Variants in SCHIP1 observed in about 807,000 individuals in gnomAD.
The protein encoded by SCHIP1 is schwannomin interacting protein 1.
In SCHIP1, 8 loss-of-function variants were observed where a neutral mutation model predicts 29.7. The observed-to-expected ratio is 0.27, with a 90% CI of 0.16 to 0.49. SCHIP1 has a LOEUF of 0.49. Ranked by LOEUF, SCHIP1 falls within the 20% of genes least tolerant of loss-of-function variation. The pLI is 0.99. For missense variants in SCHIP1, 193 were observed against 294.6 expected, an observed-to-expected ratio of 0.66 and a Z score of 2.52; for synonymous variants, 76 against 94.9, an observed-to-expected ratio of 0.80 and a Z score of 1.16.
chr3:159,410,298 GCTT>G, the SCHIP1 span, among the ~76,000 whole-genome samples: 1 of 152,044 alleles, frequency 6.6e-6, no homozygotes, highest in African/African-American at 2.4e-5. Context: ...AAGTTAAAAA[GCTT>G]CTGCACAGCA....
intron 1 of SCHIP1, among the ~76,000 whole-genome samples, chr3:159,847,848 A>C (rs1205274368): frequency 6.6e-6 from 1 of 152,246 alleles, no homozygotes; most frequent in African/African-American, 2.4e-5. Context: ...TAGCTATCAG[A>C]ATACTTTAAT....
At chr3:159,507,085 C>A in the SCHIP1 span, among the ~76,000 whole-genome samples, 1 of 152,158 alleles carries the variant, frequency 6.6e-6, no homozygotes. Flanking sequence ...GATATTGATT[C>A]TTCCTACCCA....
the SCHIP1 span, among the ~76,000 whole-genome samples, chr3:159,631,513 C>T: frequency 3.3e-5 from 5 of 152,156 alleles, no homozygotes; most frequent in African/African-American, 1.2e-4. Flanking sequence ...TAAGTTATGA[C>T]ACACGCTACC....
chr3:159,463,922 T>C, the SCHIP1 span, among the ~76,000 whole-genome samples: 2 of 152,192 alleles, frequency 1.3e-5, no homozygotes, highest in South Asian at 2.1e-4. Context: ...AGTTTCATAA[T>C]AATCTATTGT....
the SCHIP1 span, among the ~76,000 whole-genome samples, chr3:159,431,807 C>CA: frequency 0.03 from 2,530 of 83,674 alleles, 46 homozygotes; most frequent in African/African-American, 0.084. Context: ...GATTCCATCT[C>CA]AAAAAAAAAA....
chr3:159,453,942 C>T, the SCHIP1 span, among the ~76,000 whole-genome samples: 216 of 152,308 alleles, frequency 1.4e-3, no homozygotes, highest in African/African-American at 5.0e-3. Context: ...AATCATATTC[C>T]AGCACCAAGC....
At chr3:159,842,940 A>G (rs1411720742) in intron 1 of SCHIP1, among the ~76,000 whole-genome samples, 3 of 149,372 alleles carry the variant, frequency 2.0e-5, no homozygotes, top group Non-Finnish European at 4.4e-5. Flanking sequence ...TTCTAGGTGA[A>G]GCCTTATCTG....
chr3:159,674,332 C>G, the SCHIP1 span, among the ~76,000 whole-genome samples: 2 of 152,126 alleles, frequency 1.3e-5, no homozygotes, highest in African/African-American at 4.8e-5. Context: ...AAGTCCCCAG[C>G]ACTGGTTGAA....
the SCHIP1 span, among the ~76,000 whole-genome samples, chr3:159,552,059 AAC>A: frequency 1.5e-5 from 2 of 132,268 alleles, no homozygotes; most frequent in African/African-American, 5.8e-5. Flanking sequence ...TTTTTTTTGA[AAC>A]AGAGTCTCAC....
the SCHIP1 span, chr3:159,273,551 T>A: frequency 3.2e-6 from 4 of 1,233,436 alleles, no homozygotes; most frequent in Non-Finnish European, 4.1e-6. Flanking sequence ...TGAAGAACAC[T>A]GGCAAAAATC....
chr3:159,335,701 C>T, the SCHIP1 span, among the ~76,000 whole-genome samples: 1 of 152,244 alleles, frequency 6.6e-6, no homozygotes, highest in South Asian at 2.1e-4. Context: ...GCATAGTATT[C>T]CATGGTGTAT....
At chr3:159,678,831 G>A in the SCHIP1 span, among the ~76,000 whole-genome samples, 8,325 of 152,280 alleles carry the variant, frequency 0.055, 736 homozygotes, top group African/African-American at 0.18. Flanking sequence ...GACAGAATGA[G>A]TATAAGGAAA....
At chr3:159,396,512 C>T in the SCHIP1 span, among the ~76,000 whole-genome samples, 2 of 147,068 alleles carry the variant, frequency 1.4e-5, no homozygotes, top group Non-Finnish European at 3.0e-5. Flanking sequence ...TTAGGGCAGG[C>T]CTGGTGGTGA....
At chr3:159,585,809 TAA>T in the SCHIP1 span, among the ~76,000 whole-genome samples, 2 of 152,160 alleles carry the variant, frequency 1.3e-5, no homozygotes, top group Admixed American at 6.6e-5. Flanking sequence ...TCAAAATTAA[TAA>T]GTCTTACCTA....
exon 4 of SCHIP1, chr3:159,887,859 T>C (rs1717110209): frequency 6.2e-7 from 1 of 1,613,866 alleles, no homozygotes; most frequent in Non-Finnish European, 8.5e-7. Context: ...AAAATGCAAG[T>C]AGAAGTGGAG....
the SCHIP1 span, among the ~76,000 whole-genome samples, chr3:159,410,888 A>G: frequency 8.8e-6 from 1 of 113,334 alleles, no homozygotes; most frequent in Non-Finnish European, 1.9e-5. Flanking sequence ...GTCCATCACT[A>G]GATGAATGGA....
chr3:159,779,071 G>A, the SCHIP1 span, among the ~76,000 whole-genome samples: 8 of 152,270 alleles, frequency 5.3e-5, no homozygotes, highest in Admixed American at 1.3e-4. Context: ...TAAGTTTCTG[G>A]TGGAATTGTG....
chr3:159,707,349 T>C, the SCHIP1 span, among the ~76,000 whole-genome samples: 1 of 152,356 alleles, frequency 6.6e-6, no homozygotes, highest in South Asian at 2.1e-4. Context: ...TTAGGTAAGT[T>C]ATTTAAGCTC....
chr3:159,616,961 G>A, the SCHIP1 span, among the ~76,000 whole-genome samples: 7 of 152,074 alleles, frequency 4.6e-5, no homozygotes, highest in African/African-American at 7.2e-5. Context: ...TATTGCAAGC[G>A]CTCAATGCCA....
Sources: gnomAD v4.1 joint callset for allele counts (sites outside exome capture counted in the v4.1 genomes callset) on GRCh38, gnomAD v4.1.1 for gene constraint, MANE v1.5 for transcripts, NCBI Gene and HGNC (gene_info 2026-07-23, HGNC 2026-07-21) for gene names.